The following DISP3 variants were observed in gnomAD, a reference collection of about 807,000 sequenced individuals.
DISP3 encodes protein dispatched homolog 3.
DISP3 carries 101 observed loss-of-function variants against 135.3 expected under a neutral mutation model. That is an observed-to-expected ratio of 0.75 (90% CI 0.64 to 0.88). The LOEUF (loss-of-function observed/expected upper bound fraction) is 0.88, where lower values mean the gene tolerates loss of function less well. Ranked by LOEUF, DISP3 falls within the 40% of genes least tolerant of loss-of-function variation. The pLI, the probability that DISP3 is intolerant of heterozygous loss-of-function variation, is 0.00. For missense variants in DISP3, 1,713 were observed against 1,878.6 expected (o/e 0.91, Z 1.63); for synonymous variants, 856 against 817.0 (o/e 1.05, Z -0.81).
chr1:11,485,476 G>T (rs1050984642), intron 1 of DISP3, among the ~76,000 whole-genome samples: 1 of 152,184 alleles, frequency 6.6e-6, no homozygotes, highest in African/African-American at 2.4e-5. Flanking sequence ...TCGTGAAGGA[G>T]GATGTGGTGA....
chr1:11,537,430 C>T lies in DISP3; in HGVS notation c.*744C>T, dbSNP rs1212134407. 6.6e-6 allele frequency: 1 copy of T among 152,416 alleles called. No individual in the cohort carries two copies. The highest frequency in any genetic ancestry group is 1.9e-4 in the East Asian group (1 of 5,196). The allele number at this position is 152,416 out of a possible 1,614,324, so 9.4% of individuals were successfully genotyped here. ...GCACAGCTTTCCTCATGGATCTAAG[C>T]CCCTGTCTTTCCCACCTGACTCTGA... On this transcript the variant is annotated 3_prime_UTR_variant, in exon 21 of 21. Transcript: ENST00000294484.
chr1:11,489,153 C>T (rs1173386434), intron 1 of DISP3, among the ~76,000 whole-genome samples: 1 of 152,250 alleles, frequency 6.6e-6, no homozygotes, highest in Non-Finnish European at 1.5e-5. Context: ...GTTCTCTGTT[C>T]CTTCCCAGGC....
intron 1 of DISP3, among the ~76,000 whole-genome samples, chr1:11,487,809 A>T (rs1236801245): frequency 6.6e-6 from 1 of 152,056 alleles, no homozygotes; most frequent in Non-Finnish European, 1.5e-5. Flanking sequence ...TGTGGCATGG[A>T]TTGGAACCCA....
At position 11,502,023 on chromosome 1, in the gene DISP3, T is replaced by G; in HGVS notation, c.1031T>G (p.Phe344Cys). Reference protein sequence around the residue: ...SPPSSLMTYFFPTERGGKIYY... With the variant: ...SPPSSLMTYFCPTERGGKIYY... ...CCCAGCTCGCTCATGACCTACTTTT[T>G]TCCCACCGAGAGGGGCGGCAAGATC... Residue 344 changes from phenylalanine (F) to cysteine (C), a missense_variant, in exon 2 of 21, where the codon TTT becomes TGT. Around this residue, in one of 2 missense-constraint regions of DISP3, gnomAD observed 571 missense variants for 494.1 expected, o/e 1.16. Transcript: ENST00000294484. The G allele has an allele frequency of 6.3e-7, 1 of 1,598,764 alleles. No individual in the cohort carries two copies.
Position 11,529,487 on chromosome 1 carries a change from T to C in DISP3, c.2799-69T>C, listed in dbSNP as rs1033222778. 7 of 1,499,042 alleles carry C rather than the reference T, an allele frequency of 4.7e-6. No homozygotes were observed. Among genetic ancestry groups the C allele is most frequent in the East Asian group, 4.6e-5 (2 of 43,644 alleles). The allele number at this position is 1,499,042 out of a possible 1,614,324, so 92.9% of individuals were successfully genotyped here. On this transcript the variant is annotated intron_variant, in intron 13 of 20. Transcript: ENST00000294484. The surrounding 1 kb of genome is among the most constrained non-coding windows in gnomAD (Gnocchi z 4.7). ...CCCAGCCCCAGTCCCAACCCTGGCC[T>C]GCTGGCCTCACCTCCCCTGACTCCT...
chr1:11,533,275 T>A (rs947357746), intron 17 of DISP3, among the ~76,000 whole-genome samples: 8 of 146,446 alleles, frequency 5.5e-5, no homozygotes, highest in South Asian at 4.4e-4. Flanking sequence ...TTTTTTTTTT[T>A]AATGGAGTTT....
intron 17 of DISP3, chr1:11,533,625 C>A (rs1642628805): frequency 1.6e-6 from 1 of 631,214 alleles, no homozygotes; most frequent in Non-Finnish European, 2.9e-6. Flanking sequence ...TCACCTCCCT[C>A]TGCAGACTGA....
In DISP3 at chr1:11,536,488, C is replaced by A; in HGVS notation, c.3981C>A (p.Gly1327=). ...KFGKIVALNT[G]VSILYTLTVS... ...GCAAGATTGTGGCACTCAACACGGGCGTGTCCATCCTCTACACGCTGACCG... is the reference window on the plus strand; with the variant it reads ...GCAAGATTGTGGCACTCAACACGGGAGTGTCCATCCTCTACACGCTGACCG... Residue 1327 remains glycine, a synonymous_variant, in exon 21 of 21, where the codon GGC becomes GGA. Coordinates refer to ENST00000294484, the MANE Select transcript of DISP3 (RefSeq NM_020780.2). This position sits in a 1 kb window ranked among gnomAD's most constrained non-coding sequence, Gnocchi z 4.3. 1 of 1,613,472 alleles carries A rather than the reference C, an allele frequency of 6.2e-7. No individual in the cohort carries two copies. Among genetic ancestry groups the A allele is most frequent in the South Asian group, 1.1e-5 (1 of 91,086 alleles).
At position 11,501,367 on chromosome 1, in the gene DISP3, G is replaced by C. The variant is rs768397889; in HGVS notation, c.375G>C (p.Ala125=). Residue 125 remains alanine, a synonymous_variant, in exon 2 of 21, where the codon GCG becomes GCC. Coordinates refer to ENST00000294484, the MANE Select transcript of DISP3 (RefSeq NM_020780.2). This position sits in a 1 kb window ranked among gnomAD's most constrained non-coding sequence, Gnocchi z 4.9. ...AGCGTTTCGACGCTCTCACTCTGGC[G>C]CTTAAGTCCCAGTTTGGATCCTGGG... The part of the protein sequence containing the change: ...ASQRFDALTL[A]LKSQFGSWGR... 7 of 1,611,040 alleles carry C rather than the reference G, an allele frequency of 4.3e-6. No homozygotes were observed. In the South Asian group the frequency reaches 5.5e-5, roughly 13 times the overall value.
chr1:11,514,661 A>G, intron 4 of DISP3, 135 bp downstream of exon 4: 1 of 1,246,692 alleles, frequency 8.0e-7, no homozygotes, highest in Non-Finnish European at 1.1e-6. Flanking sequence ...ATATGCACAC[A>G]AATCATCTTC....
At position 11,520,646 on chromosome 1, in the gene DISP3, C is replaced by T. The variant is rs1425310499; in HGVS notation, c.2201-41C>T. The T allele has an allele frequency of 6.3e-7, 1 of 1,596,022 alleles. No individual in the cohort carries two copies. The highest frequency in any genetic ancestry group is 1.3e-5 in the African/African-American group (1 of 74,666). ...TGGAGCCCCACTGGGAACAGACCAG[C>T]TGGGCCCAGCCCCGCCTGGTGTAGC... On this transcript the variant is annotated intron_variant, in intron 9 of 20. Coordinates refer to ENST00000294484, the MANE Select transcript of DISP3 (RefSeq NM_020780.2). The surrounding 1 kb of genome is among the most constrained non-coding windows in gnomAD (Gnocchi z 4.8).
In DISP3 at chr1:11,516,027, A is replaced by G; in HGVS notation, c.1615A>G (p.Asn539Asp). 6.2e-7 allele frequency: 1 copy of G among 1,613,994 alleles called. No individual in the cohort carries two copies. Among genetic ancestry groups the G allele is most frequent in the Non-Finnish European group, 8.5e-7 (1 of 1,179,950 alleles). The part of the protein sequence containing the change: ...IGVDDVFVFI[N>D]TYRQATHLED... ...TGTGGACGATGTCTTTGTGTTCATC[A>G]ACACCTACCGCCAGGCCACCCACCT... is the stretch of plus-strand genomic sequence containing the variant. The change falls in exon 6 of 21, where the codon AAC (asparagine) becomes GAC (aspartate). Residue 539 changes from asparagine (N) to aspartate (D), a missense_variant. Physicochemically the swap from Asn to Asp is conservative, Grantham distance 23. Transcript: ENST00000294484. This position sits in a 1 kb window ranked among gnomAD's most constrained non-coding sequence, Gnocchi z 5.1.
At chr1:11,482,979 A>G (rs575155197) in intron 1 of DISP3, among the ~76,000 whole-genome samples, 1 of 152,328 alleles carries the variant, frequency 6.6e-6, no homozygotes, top group East Asian at 1.9e-4. Context: ...CAAAATAGAA[A>G]CATGCTCCAA....
At chr1:11,479,636 TGGTC>T (rs1284291067) in intron 1 of DISP3, among the ~76,000 whole-genome samples, 1 of 152,172 alleles carries the variant, frequency 6.6e-6, no homozygotes, top group Non-Finnish European at 1.5e-5. Context: ...GCAGCATTCT[TGGTC>T]GGCCAAGGGG....
At chr1:11,485,611 C>A (rs1300855559) in intron 1 of DISP3, among the ~76,000 whole-genome samples, 1 of 152,144 alleles carries the variant, frequency 6.6e-6, no homozygotes, top group Admixed American at 6.5e-5. Flanking sequence ...TTGACCTTTG[C>A]ACTGTCCTGG....
chr1:11,515,317 GT>G, intron 4 of DISP3, 51 bp from the exon 5 acceptor site: 2 of 1,605,298 alleles, frequency 1.2e-6, no homozygotes, highest in Admixed American at 1.7e-5. Flanking sequence ...AGTGGGGTTT[GT>G]GTCCCATGAG....
At chr1:11,526,255 C>A (rs1642415632) in intron 12 of DISP3, among the ~76,000 whole-genome samples, 3 of 152,232 alleles carry the variant, frequency 2.0e-5, no homozygotes. Flanking sequence ...TTGGTCCCCA[C>A]AGAGCCCTGC....
rs980921390 is a variant in DISP3 at position 11,517,395 on chromosome 1, G to A, written c.1750-68G>A. The A allele has an allele frequency of 2.5e-6, 4 of 1,589,354 alleles. No individual in the cohort carries two copies. The African/African-American group carries it at 4.0e-5, about 16-fold the overall frequency. On this transcript the variant is annotated intron_variant, in intron 6 of 20. Coordinates refer to ENST00000294484, the MANE Select transcript of DISP3 (RefSeq NM_020780.2). ...GGGTCCTGAGTGTCTCTGGCTGCAG[G>A]GGGCACCCAGGCCCCCTGACTGCAG...
intron 1 of DISP3, among the ~76,000 whole-genome samples, chr1:11,497,784 A>C (rs1040024856): frequency 3.9e-5 from 6 of 152,118 alleles, no homozygotes; most frequent in Non-Finnish European, 7.3e-5. Context: ...GAGTTACTTC[A>C]CTCAGAATAA....
Sources: allele counts gnomAD v4.1 joint callset (sites outside exome capture counted in the v4.1 genomes callset), GRCh38; gene constraint gnomAD v4.1.1; regional missense constraint gnomAD v4.1.1; non-coding constraint Gnocchi (gnomAD v3.1); transcripts MANE v1.5; gene names NCBI Gene and HGNC (gene_info 2026-07-23, HGNC 2026-07-21).